Variants in CACNB2 observed in about 807,000 individuals in gnomAD.
CACNB2 encodes calcium voltage-gated channel auxiliary subunit beta 2.
In CACNB2, 42 loss-of-function variants were observed where a neutral mutation model predicts 73.3. That is an observed-to-expected ratio of 0.57 (90% CI 0.45 to 0.74). The LOEUF is 0.74. Ranked by LOEUF, CACNB2 falls within the 30% of genes least tolerant of loss-of-function variation. CACNB2 has a pLI of 0.00. For missense variants in CACNB2, 940 were observed against 853.0 expected, an observed-to-expected ratio of 1.10 and a Z score of -1.27; for synonymous variants, 348 against 310.3, an observed-to-expected ratio of 1.12 and a Z score of -1.28.
chr10:18,171,027 C>T (rs1357606018), intron 2 of CACNB2, among the ~76,000 whole-genome samples: 1 of 152,178 alleles, frequency 6.6e-6, no homozygotes, highest in Non-Finnish European at 1.5e-5. Flanking sequence ...GTACCGCTGG[C>T]TGCATCATTA....
intron 2 of CACNB2, among the ~76,000 whole-genome samples, chr10:18,391,851 T>A (rs985896139): frequency 1.5e-4 from 20 of 136,028 alleles, no homozygotes; most frequent in African/African-American, 4.8e-4. Context: ...TCCCTTGAGC[T>A]CAGGAGACAG....
chr10:18,269,148 T>C (rs1303697431), intron 2 of CACNB2, among the ~76,000 whole-genome samples: 1 of 152,196 alleles, frequency 6.6e-6, no homozygotes, highest in Non-Finnish European at 1.5e-5. Flanking sequence ...CTGGCAGATT[T>C]CCTAAATAAA....
intron 3 of CACNB2, among the ~76,000 whole-genome samples, chr10:18,495,565 G>GTT (rs1564616827): frequency 1.3e-4 from 17 of 131,830 alleles, no homozygotes; most frequent in African/African-American, 4.5e-4. Flanking sequence ...GTGTGTGTGT[G>GTT]TGTGTGTGTG....
rs7923738 is a variant in CACNB2 at position 18,285,242 on chromosome 10, G to A, written c.214-116682G>A. Among the ~76,000 whole-genome samples the A allele has an allele frequency of 4.5e-3, 689 of 152,298 alleles. 16 individuals carry two copies. The South Asian group carries it at 0.055, about 12-fold the overall frequency. ...TGCCTCCGTGACTCACTTTTGGCAG[G>A]TCTAACGTGGTGAAAGTTATGCCAT... is the stretch of plus-strand genomic sequence containing the variant. On this transcript the variant is annotated intron_variant, in intron 2 of 13. Coordinates refer to ENST00000324631, the MANE Select transcript of CACNB2 (RefSeq NM_201596.3).
intron 3 of CACNB2, among the ~76,000 whole-genome samples, chr10:18,443,664 C>T (rs1170442620): frequency 6.6e-6 from 1 of 151,598 alleles, no homozygotes; most frequent in Non-Finnish European, 1.5e-5. Flanking sequence ...AGAGAGCCTT[C>T]TGTCCTTATC....
intron 3 of CACNB2, among the ~76,000 whole-genome samples, chr10:18,492,040 C>G (rs2049466400): frequency 6.6e-6 from 1 of 152,032 alleles, no homozygotes; most frequent in South Asian, 2.1e-4. Context: ...TAGGGGAGGC[C>G]TCAGGAGACT....
At chr10:18,247,397 C>T (rs184849095) in intron 2 of CACNB2, among the ~76,000 whole-genome samples, 55 of 152,270 alleles carry the variant, frequency 3.6e-4, no homozygotes, top group African/African-American at 1.1e-3. Flanking sequence ...TTTACTTCTC[C>T]GCTTCATCAT....
intron 2 of CACNB2, among the ~76,000 whole-genome samples, chr10:18,273,954 G>T (rs536297299): frequency 3.3e-5 from 5 of 152,140 alleles, no homozygotes; most frequent in African/African-American, 9.6e-5. Context: ...TCTTGTTGTT[G>T]TTGGAACCAC....
At chr10:18,356,938 A>ATGTCTTT (rs1436280481) in intron 2 of CACNB2, among the ~76,000 whole-genome samples, 32,881 of 92,320 alleles carry the variant, frequency 0.36, 7,515 homozygotes, top group Non-Finnish European at 0.43. Flanking sequence ...CCCAGACTCA[A>ATGTCTTT]TTTCTTTTTT....
chr10:18,470,112 G>C (rs1391415189), intron 3 of CACNB2, among the ~76,000 whole-genome samples: 1 of 151,480 alleles, frequency 6.6e-6, no homozygotes, highest in Non-Finnish European at 1.5e-5. Context: ...TATATTTATT[G>C]AATGCGTTTT....
At chr10:18,179,619 A>G (rs1456212874) in intron 2 of CACNB2, among the ~76,000 whole-genome samples, 2 of 148,958 alleles carry the variant, frequency 1.3e-5, no homozygotes, top group Non-Finnish European at 3.0e-5. Context: ...TTTTTTTTTA[A>G]TTCAGGGATT....
chr10:18,230,342 ACTT>A (rs1234560080), intron 2 of CACNB2, among the ~76,000 whole-genome samples: 8 of 152,110 alleles, frequency 5.3e-5, no homozygotes, highest in African/African-American at 1.4e-4. Context: ...TCTACAGAAA[ACTT>A]CTTCTTTCAC....
chr10:18,378,173 T>C (rs954686254), intron 2 of CACNB2, among the ~76,000 whole-genome samples: 4 of 152,164 alleles, frequency 2.6e-5, no homozygotes, highest in Admixed American at 1.3e-4. Context: ...TATAATAAAC[T>C]TCTCCCTAGA....
chr10:18,150,385 C>T (rs534415456), intron 1 of CACNB2, among the ~76,000 whole-genome samples: 3 of 152,334 alleles, frequency 2.0e-5, no homozygotes, highest in South Asian at 2.1e-4. Context: ...CCTCCTCAGC[C>T]GGGTGCAACG....
Position 18,540,542 on chromosome 10 carries a change from T to C in CACNB2, c.*818T>C, listed in dbSNP as rs1182531595. On this transcript the variant is annotated 3_prime_UTR_variant, in exon 14 of 14. Transcript: ENST00000324631. ...GACTTGAAAAGGTTTGAATTCTGAA[T>C]GTTATACCATCCTTGTAAGTAAGTT... 4.6e-5 allele frequency: 7 copies of C among 152,532 alleles called. No individual in the cohort carries two copies. Among genetic ancestry groups the C allele is most frequent in the Admixed American group, 2.0e-4 (3 of 15,264 alleles). 9.4% of individuals were successfully genotyped at this position (152,532 alleles called of 1,614,324 possible). A position where few individuals can be genotyped will look rare whatever the true frequency, so the allele number is the denominator to read the frequency against.
chr10:18,458,368 G>A (rs774633812), intron 3 of CACNB2, among the ~76,000 whole-genome samples: 2 of 152,132 alleles, frequency 1.3e-5, no homozygotes, highest in Non-Finnish European at 2.9e-5. Context: ...ATTTGCATGT[G>A]GTGAATTCCT....
At chr10:18,289,214 C>G (rs1255338028) in intron 2 of CACNB2, among the ~76,000 whole-genome samples, 1 of 151,670 alleles carries the variant, frequency 6.6e-6, no homozygotes, top group Non-Finnish European at 1.5e-5. Flanking sequence ...ACCCCCGACC[C>G]CCTCCCCAGC....
At chr10:18,219,675 A>G (rs2035650494) in intron 2 of CACNB2, among the ~76,000 whole-genome samples, 1 of 152,128 alleles carries the variant, frequency 6.6e-6, no homozygotes, top group Admixed American at 6.6e-5. Flanking sequence ...TATATATTCT[A>G]GTCATTTTTT....
chr10:18,259,822 G>C (rs1198825383), intron 2 of CACNB2, among the ~76,000 whole-genome samples: 1 of 152,026 alleles, frequency 6.6e-6, no homozygotes, highest in Non-Finnish European at 1.5e-5. Flanking sequence ...AGGACTGCCT[G>C]AGCAAGGCAA....
Sources: allele counts gnomAD v4.1 joint callset (sites outside exome capture counted in the v4.1 genomes callset), GRCh38; gene constraint gnomAD v4.1.1; transcripts MANE v1.5; gene names NCBI Gene and HGNC (gene_info 2026-07-23, HGNC 2026-07-21).